MARCHF1: variants seen among roughly 807,000 people sequenced by gnomAD.
The protein encoded by MARCHF1 is E3 ubiquitin-protein ligase MARCHF1.
Under a neutral mutation model 54.2 loss-of-function variants are expected in MARCHF1, and 40 were observed. The observed-to-expected ratio is 0.74, with a 90% CI of 0.57 to 0.96. MARCHF1 has a LOEUF of 0.96. Among genes scored for constraint, MARCHF1 ranks in the 40% least tolerant of loss-of-function variants. The probability of loss-of-function intolerance (pLI) is 0.00; values close to 1 mark genes in which losing one functional copy is unlikely to be tolerated. For synonymous variants in MARCHF1, 236 were observed against 236.3 expected (o/e 1.00, Z 0.01); for missense variants, 586 against 656.5 (o/e 0.89, Z 1.17).
intron 4 of MARCHF1, among the ~76,000 whole-genome samples, chr4:163,704,046 A>G (rs1371093065): frequency 6.6e-6 from 1 of 151,950 alleles, no homozygotes; most frequent in African/African-American, 2.4e-5. Flanking sequence ...ATCTAGGTAT[A>G]AACTTTCTGT....
intron 1 of MARCHF1, among the ~76,000 whole-genome samples, chr4:164,250,286 T>C (rs1733086486): frequency 6.6e-6 from 1 of 152,010 alleles, no homozygotes; most frequent in Non-Finnish European, 1.5e-5. Flanking sequence ...TCAAAGAAAA[T>C]AGAAGGCAAC....
intron 2 of MARCHF1, among the ~76,000 whole-genome samples, chr4:164,017,367 A>G (rs1753566173): frequency 6.6e-6 from 1 of 152,046 alleles, no homozygotes; most frequent in Non-Finnish European, 1.5e-5. Context: ...AGAAAAGCCT[A>G]CACAAAACAA....
chr4:164,226,643 A>G (rs1304631277), intron 1 of MARCHF1, among the ~76,000 whole-genome samples: 19 of 151,972 alleles, frequency 1.3e-4, no homozygotes, highest in Non-Finnish European at 1.0e-4. Flanking sequence ...GTTTATGCAT[A>G]AATATTTGTG....
At chr4:164,248,302 T>A (rs1733019799) in intron 1 of MARCHF1, among the ~76,000 whole-genome samples, 1 of 152,066 alleles carries the variant, frequency 6.6e-6, no homozygotes, top group Non-Finnish European at 1.5e-5. Flanking sequence ...GCAGTTGAAT[T>A]TAATTAAAAA....
intron 5 of MARCHF1, among the ~76,000 whole-genome samples, chr4:163,637,317 A>G (rs1216244455): frequency 2.6e-5 from 4 of 152,116 alleles, no homozygotes; most frequent in African/African-American, 7.2e-5. Context: ...GCAAGCTACA[A>G]AATGGGAGAA....
intron 8 of MARCHF1, among the ~76,000 whole-genome samples, chr4:163,564,286 G>A (rs975113396): frequency 2.0e-5 from 3 of 152,132 alleles, no homozygotes; most frequent in African/African-American, 7.2e-5. Flanking sequence ...TGCCTGATCT[G>A]TCAAATCACA....
At chr4:164,304,123 C>T (rs964385825) in intron 1 of MARCHF1, among the ~76,000 whole-genome samples, 15 of 152,166 alleles carry the variant, frequency 9.9e-5, no homozygotes, top group African/African-American at 3.6e-4. Context: ...AGTACAGAAG[C>T]TTGCAATTAA....
intron 8 of MARCHF1, among the ~76,000 whole-genome samples, chr4:163,566,284 T>C (rs1202105398): frequency 2.0e-5 from 3 of 152,238 alleles, no homozygotes; most frequent in Non-Finnish European, 4.4e-5. Flanking sequence ...GCAGGGGACA[T>C]ACTGTTTGTC....
chr4:163,900,320 T>C (rs951825992), intron 3 of MARCHF1, among the ~76,000 whole-genome samples: 2 of 151,116 alleles, frequency 1.3e-5, no homozygotes, highest in East Asian at 3.9e-4. Context: ...GTTATGTTCC[T>C]ACCCACAGAG....
At chr4:164,194,979 G>C (rs1731215752) in intron 1 of MARCHF1, among the ~76,000 whole-genome samples, 1 of 149,800 alleles carries the variant, frequency 6.7e-6, no homozygotes, top group Admixed American at 6.7e-5. Context: ...CCCACCCCCT[G>C]ACAGGCCCCA....
intron 2 of MARCHF1, among the ~76,000 whole-genome samples, chr4:164,050,040 C>T (rs1348795688): frequency 6.6e-6 from 1 of 151,822 alleles, no homozygotes; most frequent in African/African-American, 2.4e-5. Context: ...TTTGGGAGGC[C>T]GAGGTGGGTG....
chr4:164,003,077 T>C (rs1382284491), intron 2 of MARCHF1, among the ~76,000 whole-genome samples: 2 of 151,820 alleles, frequency 1.3e-5, no homozygotes, highest in African/African-American at 2.4e-5. Flanking sequence ...AAAATCCCAA[T>C]GTAAGGGTCT....
At chr4:163,652,685 A>T (rs1161489432) in intron 5 of MARCHF1, among the ~76,000 whole-genome samples, 1 of 151,776 alleles carries the variant, frequency 6.6e-6, no homozygotes, top group Non-Finnish European at 1.5e-5. Context: ...CTTTCAATAT[A>T]CCTTTTATTT....
chr4:163,687,076 T>C (rs1028377081), intron 5 of MARCHF1, among the ~76,000 whole-genome samples: 1 of 152,172 alleles, frequency 6.6e-6, no homozygotes, highest in Non-Finnish European at 1.5e-5. Context: ...AATTTTTGTA[T>C]TTCATTTTTT....
intron 1 of MARCHF1, among the ~76,000 whole-genome samples, chr4:164,282,517 T>C (rs954004602): frequency 6.6e-6 from 1 of 150,824 alleles, no homozygotes; most frequent in African/African-American, 2.4e-5. Flanking sequence ...CCTATACTAC[T>C]TTCCCACCAT....
chr4:163,697,369 C>G (rs1744667912), intron 5 of MARCHF1, among the ~76,000 whole-genome samples: 1 of 152,166 alleles, frequency 6.6e-6, no homozygotes, highest in Admixed American at 6.6e-5. Context: ...AAGGGCTAAT[C>G]TTGCCACAGG....
chr4:164,331,700 T>A (rs1330326053), intron 1 of MARCHF1, among the ~76,000 whole-genome samples: 1 of 152,180 alleles, frequency 6.6e-6, no homozygotes. Flanking sequence ...TATAAATACA[T>A]CTACATATCT....
intron 2 of MARCHF1, among the ~76,000 whole-genome samples, chr4:164,008,328 TGTAAA>T (rs541065368): frequency 5.9e-5 from 9 of 152,170 alleles, no homozygotes; most frequent in African/African-American, 1.9e-4. Context: ...GTCACAAGTA[TGTAAA>T]GTAAACATGA....
intron 1 of MARCHF1, among the ~76,000 whole-genome samples, chr4:164,263,755 C>A (rs1265590749): frequency 2.0e-5 from 3 of 152,156 alleles, no homozygotes; most frequent in Non-Finnish European, 4.4e-5. Context: ...AGTTCAACAT[C>A]ACTGATCATT....
Sources: allele counts gnomAD v4.1 joint callset (sites outside exome capture counted in the v4.1 genomes callset), GRCh38; gene constraint gnomAD v4.1.1; transcripts MANE v1.5; gene names NCBI Gene and HGNC (gene_info 2026-07-23, HGNC 2026-07-21).